The following RFX7 variants were observed in gnomAD, a reference collection of about 807,000 sequenced individuals.
RFX7 encodes DNA-binding protein RFX7.
Under a neutral mutation model 111.8 loss-of-function variants are expected in RFX7, and 26 were observed. That is an observed-to-expected ratio of 0.23 (90% CI 0.17 to 0.32). The LOEUF is 0.32. Ranked by LOEUF, RFX7 falls within the 10% of genes least tolerant of loss-of-function variation. RFX7 has a pLI of 1.00. For missense variants in RFX7, 1,573 were observed against 1,772.9 expected (o/e 0.89, Z 2.02); for synonymous variants, 624 against 624.4 (o/e 1.00, Z 0.01).
chr15:56,120,158 G>C (rs1341227974), intron 5 of RFX7, among the ~76,000 whole-genome samples: 1 of 152,058 alleles, frequency 6.6e-6, no homozygotes, highest in African/African-American at 2.4e-5. Context: ...TTTACATTCT[G>C]TGTCCCCTTC....
chr15:56,153,298 G>A (rs1467421750), intron 3 of RFX7, among the ~76,000 whole-genome samples: 1 of 152,202 alleles, frequency 6.6e-6, no homozygotes, highest in African/African-American at 2.4e-5. Context: ...GAACATCGAT[G>A]TGAAAACCCT....
At chr15:56,179,127 G>C (rs574185567) in intron 3 of RFX7, 143 bp downstream of exon 3, 8 of 338,772 alleles carry the variant, frequency 2.4e-5, no homozygotes, top group South Asian at 2.2e-4. Context: ...CAATTCACCC[G>C]AGGGGGCTGT....
intron 2 of RFX7, among the ~76,000 whole-genome samples, chr15:56,231,766 C>G (rs1486887339): frequency 2.6e-5 from 4 of 152,272 alleles, no homozygotes; most frequent in African/African-American, 7.2e-5. Flanking sequence ...AGGCAAATCC[C>G]TTCCACCTAT....
chr15:56,159,255 G>C (rs1013807211), intron 3 of RFX7, among the ~76,000 whole-genome samples: 1 of 152,164 alleles, frequency 6.6e-6, no homozygotes, highest in Non-Finnish European at 1.5e-5. Context: ...TGATGGACAC[G>C]TAGGTCGCTT....
chr15:56,138,914 T>A lies in RFX7; in HGVS notation c.401+3864A>T, dbSNP rs1186567071. Among the ~76,000 whole-genome samples the A allele has an allele frequency of 4.9e-4, 74 of 152,292 alleles. 1 individual carries two copies. In the South Asian group the frequency reaches 0.013, roughly 26 times the overall value. ...GGATATGAAATTCTGGGTTGAAAAT[T>A]CTTGTCTTTAAGAATGTTGAATATT... On this transcript the variant is annotated intron_variant, in intron 5 of 9. Transcript: ENST00000559447.
rs575010880 is a variant in RFX7 at position 56,209,608 on chromosome 15, C to T, written c.162-30305G>A. Among the ~76,000 whole-genome samples, 206 of 152,102 alleles carry T rather than the reference C, an allele frequency of 1.4e-3. 8 individuals are homozygous for T. The South Asian group carries it at 0.041, about 31-fold the overall frequency. On this transcript the variant is annotated intron_variant, in intron 2 of 9. Transcript: ENST00000559447. ...GGAACAATGTACTGAATTATGTATG[C>T]TCTTATACAGACACATATGCTTCTA...
chr15:56,237,558 TTC>T (rs563273315), intron 2 of RFX7, among the ~76,000 whole-genome samples: 87 of 152,328 alleles, frequency 5.7e-4, no homozygotes, highest in Admixed American at 5.0e-3. Context: ...AACAAGACAC[TTC>T]TCTCTTTTCT....
chr15:56,145,828 G>C (rs1366115846), intron 3 of RFX7, among the ~76,000 whole-genome samples: 1 of 152,076 alleles, frequency 6.6e-6, no homozygotes, highest in Non-Finnish European at 1.5e-5. Context: ...TTTCTTTCAA[G>C]AATAAGGATA....
chr15:56,103,236 T>G (rs1396155708), intron 6 of RFX7, among the ~76,000 whole-genome samples: 1 of 151,416 alleles, frequency 6.6e-6, no homozygotes, highest in African/African-American at 2.4e-5. Context: ...TTCTTATAAT[T>G]GTTAAACATA....
At chr15:56,188,793 T>G (rs2043068787) in intron 2 of RFX7, among the ~76,000 whole-genome samples, 1 of 152,216 alleles carries the variant, frequency 6.6e-6, no homozygotes, top group Non-Finnish European at 1.5e-5. Context: ...ATGTGAGAGC[T>G]GACAAAGATT....
Position 56,179,255 on chromosome 15 carries a change from A to G in RFX7, c.195+15T>C. 2.5e-6 allele frequency: 3 copies of G among 1,221,688 alleles called. No individual in the cohort carries two copies. The highest frequency in any genetic ancestry group is 3.3e-6 in the Non-Finnish European group (3 of 917,030). 75.7% of individuals were successfully genotyped at this position (1,221,688 alleles called of 1,614,324 possible). ...CTTATTGCAAAAGGATTTTAATATT[A>G]GTTATTTCACTTACCAAAATGCAGT... On this transcript the variant is annotated intron_variant, in intron 3 of 9. Coordinates refer to ENST00000559447, the MANE Select transcript of RFX7 (RefSeq NM_022841.7).
intron 3 of RFX7, among the ~76,000 whole-genome samples, chr15:56,155,529 C>T (rs975026156): frequency 2.0e-5 from 3 of 152,138 alleles, no homozygotes; most frequent in Non-Finnish European, 4.4e-5. Context: ...AAACCAAATA[C>T]TGCGTGTTCT....
At chr15:56,184,193 ATTTTTTTT>A (rs35880948) in intron 2 of RFX7, among the ~76,000 whole-genome samples, 3 of 80,732 alleles carry the variant, frequency 3.7e-5, no homozygotes, top group Non-Finnish European at 6.9e-5. Flanking sequence ...CTAATTTTGT[ATTTTTTTT>A]TTTTTTTTTT....
At chr15:56,210,571 C>A (rs1285833636) in intron 2 of RFX7, among the ~76,000 whole-genome samples, 1 of 152,084 alleles carries the variant, frequency 6.6e-6, no homozygotes, top group Non-Finnish European at 1.5e-5. Context: ...TAAAACACAT[C>A]TTAACAAATT....
chr15:56,218,433 AG>A (rs1330241212), intron 2 of RFX7, among the ~76,000 whole-genome samples: 1 of 152,150 alleles, frequency 6.6e-6, no homozygotes, highest in Non-Finnish European at 1.5e-5. Context: ...CACCCAGCCT[AG>A]AAACAATTTA....
intron 5 of RFX7, among the ~76,000 whole-genome samples, chr15:56,109,695 G>C (rs1184257211): frequency 6.6e-6 from 1 of 151,776 alleles, no homozygotes; most frequent in African/African-American, 2.4e-5. Flanking sequence ...CCTCTGCCCT[G>C]TCGCCCCGTC....
chr15:56,174,239 C>G (rs1209462209), intron 3 of RFX7, among the ~76,000 whole-genome samples: 1 of 151,980 alleles, frequency 6.6e-6, no homozygotes, highest in African/African-American at 2.4e-5. Flanking sequence ...GATTGTGCCA[C>G]TGCACTCCAG....
intron 2 of RFX7, among the ~76,000 whole-genome samples, chr15:56,227,734 A>G (rs2043501314): frequency 6.6e-6 from 1 of 152,126 alleles, no homozygotes; most frequent in African/African-American, 2.4e-5. Flanking sequence ...ATTATTTTGA[A>G]CTGTTATCTA....
chr15:56,148,085 T>C (rs1309000776), intron 3 of RFX7, among the ~76,000 whole-genome samples: 1 of 152,214 alleles, frequency 6.6e-6, no homozygotes. Context: ...TAGCTGATAA[T>C]TTCATACTAT....
Sources: allele counts gnomAD v4.1 joint callset (sites outside exome capture counted in the v4.1 genomes callset), GRCh38; gene constraint gnomAD v4.1.1; transcripts MANE v1.5; gene names NCBI Gene and HGNC (gene_info 2026-07-23, HGNC 2026-07-21).